Variants in ACACB observed in about 807,000 individuals in gnomAD.
ACACB encodes the protein acetyl-CoA carboxylase 2.
A neutral mutation model predicts 278.8 loss-of-function variants in ACACB; 209 were observed. The ratio of observed to expected loss-of-function variants is 0.75; its 90% confidence interval spans 0.67 to 0.84. The LOEUF (loss-of-function observed/expected upper bound fraction) is 0.84. Among genes scored for constraint, ACACB ranks in the 40% least tolerant of loss-of-function variants. The pLI, the probability that ACACB is intolerant of heterozygous loss-of-function variation, is 0.00. For synonymous variants in ACACB, 1,174 were observed against 1,285.6 expected (o/e 0.91, Z 1.86); for missense variants, 2,850 against 3,269.0 (o/e 0.87, Z 3.13).
chr12:109,190,513 A>G (rs958308690), intron 13 of ACACB, among the ~76,000 whole-genome samples: 1 of 152,238 alleles, frequency 6.6e-6, no homozygotes, highest in African/African-American at 2.4e-5. Flanking sequence ...GGTGCACCCC[A>G]CACACACCAG....
intron 47 of ACACB, 42 bp downstream of exon 47, chr12:109,259,150 C>T (rs776315253): frequency 5.6e-6 from 9 of 1,606,850 alleles, no homozygotes; most frequent in Middle Eastern, 3.3e-4. Flanking sequence ...GCCTTGGGGT[C>T]AGCACCCAGG....
intron 16 of ACACB, 47 bp from the exon 17 acceptor site, chr12:109,196,961 G>A: frequency 2.0e-6 from 3 of 1,499,656 alleles, no homozygotes; most frequent in Non-Finnish European, 2.6e-6. Context: ...CAGTGCTCTG[G>A]GAGCACATCC....
chr12:109,118,634 G>T (rs916791936), intron 1 of ACACB, among the ~76,000 whole-genome samples: 1 of 151,864 alleles, frequency 6.6e-6, no homozygotes, highest in Non-Finnish European at 1.5e-5. Flanking sequence ...GGCTGGTCTC[G>T]AACTCCTGAC....
intron 1 of ACACB, among the ~76,000 whole-genome samples, chr12:109,131,817 C>CA (rs2042834874): frequency 6.6e-6 from 1 of 152,184 alleles, no homozygotes; most frequent in Non-Finnish European, 1.5e-5. Context: ...ATAGCGTCCA[C>CA]AGAGGTTCAC....
intron 11 of ACACB, 94 bp from the exon 12 acceptor site, chr12:109,185,485 A>G (rs1033992363): frequency 1.5e-6 from 2 of 1,368,778 alleles, no homozygotes; most frequent in African/African-American, 2.8e-5. Context: ...TAAATCATTG[A>G]CTGAACCTCC....
chr12:109,216,916 T>C lies in ACACB; in HGVS notation c.3560T>C (p.Leu1187Ser). ...VAKKNQLVIM[L>S]IDELCGPDPS... ...AAGAAGAACCAGCTGGTGATCATGT[T>C]GATCGTAAGCAGGAAGAGGGCCTGT... Residue 1187 changes from leucine (L) to serine (S), a missense_variant, in exon 24 of 53, where the codon TTG becomes TCG. By Grantham distance (145) the Leu-to-Ser change is moderately radical. Transcript: ENST00000338432. 3 of 1,613,220 alleles carry C rather than the reference T, an allele frequency of 1.9e-6. No individual in the cohort carries two copies. The highest frequency in any genetic ancestry group is 2.2e-5 in the South Asian group (2 of 91,018).
chr12:109,200,090 T>C (rs2045285587), intron 18 of ACACB, among the ~76,000 whole-genome samples: 1 of 151,682 alleles, frequency 6.6e-6, no homozygotes, highest in East Asian at 1.9e-4. Context: ...AGTAAGAAGG[T>C]TAATGACAGA....
At chr12:109,181,238 T>TTC (rs1417117661) in intron 11 of ACACB, among the ~76,000 whole-genome samples, 1 of 149,716 alleles carries the variant, frequency 6.7e-6, no homozygotes, top group Non-Finnish European at 1.5e-5. Flanking sequence ...TCTTTTTTTT[T>TTC]TTTTTTTGAG....
intron 40 of ACACB, 32 bp from the exon 41 acceptor site, chr12:109,249,952 G>A: frequency 6.3e-7 from 1 of 1,592,698 alleles, no homozygotes; most frequent in Non-Finnish European, 8.5e-7. Flanking sequence ...TGGGGCTAGA[G>A]CCCAGCCTTT....
intron 20 of ACACB, 139 bp from the exon 21 acceptor site, chr12:109,209,026 A>T: frequency 1.1e-6 from 1 of 941,494 alleles, no homozygotes; most frequent in Non-Finnish European, 1.6e-6. Flanking sequence ...GGACTGCCCC[A>T]GAGGCTGCTG....
rs1165552689 is a variant in ACACB, at chr12:109,171,702, T to C, written c.926-103T>C. 5 of 847,958 alleles carry C rather than the reference T, an allele frequency of 5.9e-6. No individual in the cohort carries two copies. In the Admixed American group the frequency reaches 8.8e-5, roughly 15 times the overall value. 52.5% of individuals were successfully genotyped at this position (847,958 alleles called of 1,614,324 possible). ...TCCATTGTTACCATAGAAATCTGCA[T>C]GGTTCTGCTTTCCATGGCTGTACAT... is the stretch of plus-strand genomic sequence containing the variant. On this transcript the variant is annotated intron_variant, in intron 4 of 52. Coordinates refer to ENST00000338432, the MANE Select transcript of ACACB (RefSeq NM_001093.4).
Position 109,262,529 on chromosome 12 carries a change from G to T in ACACB, c.6787+60G>T, listed in dbSNP as rs577080727. On this transcript the variant is annotated intron_variant, in intron 49 of 52. Coordinates refer to ENST00000338432, the MANE Select transcript of ACACB (RefSeq NM_001093.4). ...TCAAGAGAGGCCCAGCTGGCCCACT[G>T]CTGGGGGTTTCTAGGATGTTAAAAA... 824 of 1,043,300 alleles carry T rather than the reference G, an allele frequency of 7.9e-4. 3 individuals are homozygous for T. Among genetic ancestry groups the T allele is most frequent in the South Asian group, 2.9e-3 (211 of 72,060 alleles). The allele number at this position is 1,043,300 out of a possible 1,614,324, so 64.6% of individuals were successfully genotyped here. A position where few individuals can be genotyped will look rare whatever the true frequency, so the allele number is the denominator to read the frequency against.
intron 2 of ACACB, among the ~76,000 whole-genome samples, chr12:109,141,873 C>G (rs1055500261): frequency 6.6e-6 from 1 of 152,166 alleles, no homozygotes; most frequent in African/African-American, 2.4e-5. Context: ...TTTGGCTCTG[C>G]CACCCCCTAC....
chr12:109,133,984 T>C (rs984468986), intron 1 of ACACB, among the ~76,000 whole-genome samples: 1 of 150,166 alleles, frequency 6.7e-6, no homozygotes, highest in African/African-American at 2.5e-5. Context: ...ATTGGTGCCA[T>C]CATGGCTCAC....
At chr12:109,207,255 C>T (rs144139150) in intron 20 of ACACB, among the ~76,000 whole-genome samples, 184 of 152,174 alleles carry the variant, frequency 1.2e-3, no homozygotes, top group Non-Finnish European at 2.3e-3. Flanking sequence ...CGCACCCAGC[C>T]CCTCGGTTGT....
chr12:109,222,981 A>T, intron 26 of ACACB, 69 bp downstream of exon 26: 2 of 1,247,514 alleles, frequency 1.6e-6, no homozygotes, highest in South Asian at 2.6e-5. Flanking sequence ...GCCTCTGGGG[A>T]AACGGCTCCT....
chr12:109,194,937 C>T (rs1318367668), intron 16 of ACACB, among the ~76,000 whole-genome samples: 1 of 152,120 alleles, frequency 6.6e-6, no homozygotes, highest in Admixed American at 6.5e-5. Context: ...CTCTGCACCA[C>T]GTGTAGATTA....
At chr12:109,249,455 A>T (rs769680631) in intron 40 of ACACB, 2 of 152,060 alleles carry the variant, frequency 1.3e-5, no homozygotes, top group Non-Finnish European at 2.9e-5. Flanking sequence ...TCGTGGTCCT[A>T]GTTTTTATTT....
chr12:109,129,324 C>G (rs373060486), intron 1 of ACACB, among the ~76,000 whole-genome samples: 36 of 152,076 alleles, frequency 2.4e-4, no homozygotes, highest in African/African-American at 8.4e-4. Flanking sequence ...GACTGAGCCT[C>G]GGTTTTCTCG....
Sources: allele counts gnomAD v4.1 joint callset (sites outside exome capture counted in the v4.1 genomes callset), GRCh38; gene constraint gnomAD v4.1.1; transcripts MANE v1.5; gene names NCBI Gene and HGNC (gene_info 2026-07-23, HGNC 2026-07-21).